Variants in LIPC observed in about 807,000 individuals in gnomAD.
The protein encoded by LIPC is lipase C, hepatic type.
In LIPC, 44 loss-of-function variants were observed where a neutral mutation model predicts 50.7. The observed-to-expected ratio is 0.87, with a 90% confidence interval of 0.68 to 1.11. The LOEUF is 1.11. Among genes scored for constraint, LIPC ranks in the 50% most tolerant of loss-of-function variants. The probability of loss-of-function intolerance (pLI) is 0.00; values close to 1 mark genes in which losing one functional copy is unlikely to be tolerated. For missense variants in LIPC, 697 were observed against 648.2 expected (o/e 1.08, Z -0.82); for synonymous variants, 271 against 256.4 (o/e 1.06, Z -0.54).
At chr15:58,453,306 G>C (rs1202636370) in intron 1 of LIPC, among the ~76,000 whole-genome samples, 1 of 152,018 alleles carries the variant, frequency 6.6e-6, no homozygotes, top group African/African-American at 2.4e-5. Context: ...ATGGGACCTA[G>C]AATAGCAACG....
chr15:58,568,682 T>G (rs1400591388), intron 8 of LIPC, 34 bp from the exon 9 acceptor site: 1 of 1,253,634 alleles, frequency 8.0e-7, no homozygotes, highest in Non-Finnish European at 1.2e-6. Context: ...CACCTAAAAC[T>G]TAATGCTGTG....
intron 8 of LIPC, chr15:58,565,262 A>G (rs1362054545): frequency 2.0e-6 from 3 of 1,535,558 alleles, no homozygotes; most frequent in Non-Finnish European, 2.6e-6. Context: ...TCTTTGGCCC[A>G]TTGGAGCAGC....
At chr15:58,506,896 G>T (rs1035411035) in intron 1 of LIPC, among the ~76,000 whole-genome samples, 1 of 152,198 alleles carries the variant, frequency 6.6e-6, no homozygotes, top group East Asian at 1.9e-4. Context: ...GCATGGCTTG[G>T]GAGGCCTCAG....
intron 6 of LIPC, among the ~76,000 whole-genome samples, chr15:58,559,920 G>C (rs1355530500): frequency 2.0e-5 from 3 of 152,114 alleles, no homozygotes; most frequent in African/African-American, 7.2e-5. Context: ...ACACCATCTA[G>C]GGTGAGGGAA....
rs556547693 is a variant in LIPC, at chr15:58,476,662, G to A, written c.88+44542G>A. The stretch of plus-strand genomic sequence containing the variant: ...TGGCATGGTGCCACAGAAAAAACGT[G>A]AGGTGTGCAGCTGGACCCCCAGAAG... On this transcript the variant is annotated intron_variant, in intron 1 of 8. Coordinates refer to ENST00000299022, the MANE Select transcript of LIPC (RefSeq NM_000236.3). Among the ~76,000 whole-genome samples, 44 of 152,332 alleles carry A rather than the reference G, an allele frequency of 2.9e-4. 1 individual carries two copies. The South Asian group carries it at 7.9e-3, about 27-fold the overall frequency.
chr15:58,564,657 G>A (rs1894296076), intron 8 of LIPC, among the ~76,000 whole-genome samples: 1 of 152,152 alleles, frequency 6.6e-6, no homozygotes, highest in Non-Finnish European at 1.5e-5. Flanking sequence ...AACCCAGGAG[G>A]TGGAGGTTGC....
intron 1 of LIPC, among the ~76,000 whole-genome samples, chr15:58,530,163 C>G (rs1372562117): frequency 6.6e-6 from 1 of 152,234 alleles, no homozygotes; most frequent in Non-Finnish European, 1.5e-5. Context: ...GCATGGTCTC[C>G]AGGCGCCTTG....
At chr15:58,445,102 G>C (rs370926009) in intron 1 of LIPC, among the ~76,000 whole-genome samples, 1 of 152,228 alleles carries the variant, frequency 6.6e-6, no homozygotes, top group Non-Finnish European at 1.5e-5. Flanking sequence ...GTGGGATGGG[G>C]AGTGGGGGCT....
intron 1 of LIPC, among the ~76,000 whole-genome samples, chr15:58,461,479 ACTGCAACAATTGCTTGGCTCC>A (rs559658305): frequency 2.6e-5 from 4 of 152,312 alleles, no homozygotes; most frequent in African/African-American, 9.6e-5. Flanking sequence ...ATCTTGGCTC[ACTGCAACAATTGCTTGGCTCC>A]CTGGTTCAAG....
chr15:58,552,007 G>T (rs1395317154), intron 6 of LIPC, among the ~76,000 whole-genome samples: 1 of 152,146 alleles, frequency 6.6e-6, no homozygotes, highest in African/African-American at 2.4e-5. Context: ...GCAATTTATC[G>T]CCCACTTCCA....
intron 1 of LIPC, chr15:58,521,733 G>A (rs1474019999): frequency 6.5e-6 from 1 of 152,796 alleles, no homozygotes; most frequent in Non-Finnish European, 1.5e-5. Context: ...CTGGAAGAGA[G>A]GAATGTGTGA....
At chr15:58,477,923 T>C (rs1891052865) in intron 1 of LIPC, among the ~76,000 whole-genome samples, 1 of 152,092 alleles carries the variant, frequency 6.6e-6, no homozygotes, top group Non-Finnish European at 1.5e-5. Context: ...AGTCCCTCTA[T>C]GATCTGAGTA....
chr15:58,461,551 G>C (rs1436919129), intron 1 of LIPC, among the ~76,000 whole-genome samples: 1 of 151,894 alleles, frequency 6.6e-6, no homozygotes, highest in Non-Finnish European at 1.5e-5. Flanking sequence ...TGGGATTACT[G>C]GTGTGCACCA....
chr15:58,483,458 A>T (rs1366911454), intron 1 of LIPC, among the ~76,000 whole-genome samples: 4 of 152,184 alleles, frequency 2.6e-5, no homozygotes, highest in African/African-American at 9.6e-5. Context: ...GGGTAGAAGA[A>T]GATTTTGCTC....
In LIPC at chr15:58,548,683, G is replaced by C. The variant is rs1973025; in HGVS notation, c.1051+111G>C. On this transcript the variant is annotated intron_variant, in intron 6 of 8. Coordinates refer to ENST00000299022, the MANE Select transcript of LIPC (RefSeq NM_000236.3). ...GGAGGTGCTTCAGCTCTGCTGTTGC[G>C]GTGTTTCTGAAACTGTGCAGGCTCC... 1,408,006 of 1,416,500 alleles carry C rather than the reference G, an allele frequency of 0.99. 700,166 individuals are homozygous for C. Among genetic ancestry groups the C allele is most frequent in the East Asian group, 1 (40,408 of 40,408 alleles). 87.7% of individuals were successfully genotyped at this position (1,416,500 alleles called of 1,614,324 possible).
At chr15:58,461,195 T>TA (rs1319232928) in intron 1 of LIPC, among the ~76,000 whole-genome samples, 1 of 152,026 alleles carries the variant, frequency 6.6e-6, no homozygotes, top group African/African-American at 2.4e-5. Context: ...ATAGTAACAA[T>TA]AAAAAAAGCT....
intron 1 of LIPC, among the ~76,000 whole-genome samples, chr15:58,441,080 A>G (rs1880685815): frequency 1.3e-5 from 2 of 152,110 alleles, no homozygotes; most frequent in Admixed American, 1.3e-4. Context: ...AACCCTGGCC[A>G]CTCCCTGATA....
intron 1 of LIPC, among the ~76,000 whole-genome samples, chr15:58,491,714 C>A (rs1595893162): frequency 6.6e-6 from 1 of 152,232 alleles, no homozygotes; most frequent in African/African-American, 2.4e-5. Context: ...GGACAAGAGT[C>A]AAAGTCGTAG....
intron 1 of LIPC, among the ~76,000 whole-genome samples, chr15:58,485,041 C>G (rs1891321356): frequency 6.6e-6 from 1 of 152,166 alleles, no homozygotes. Context: ...ATTCAGCACC[C>G]TCACTACAGG....
Sources: gnomAD v4.1 joint callset for allele counts (sites outside exome capture counted in the v4.1 genomes callset) on GRCh38, gnomAD v4.1.1 for gene constraint, MANE v1.5 for transcripts, NCBI Gene and HGNC (gene_info 2026-07-23, HGNC 2026-07-21) for gene names.